MYO9B: variants seen among roughly 807,000 people sequenced by gnomAD.
MYO9B encodes the protein unconventional myosin-IXb.
In MYO9B, 71 loss-of-function variants were observed where a neutral mutation model predicts 229.5. The observed-to-expected ratio is 0.31, with a 90% CI of 0.26 to 0.38. MYO9B has a LOEUF of 0.38. Among genes scored for constraint, MYO9B ranks in the 10% least tolerant of loss-of-function variants. MYO9B has a pLI of 1.00. For synonymous variants in MYO9B, 1,185 were observed against 1,235.8 expected (o/e 0.96, Z 0.86); for missense variants, 2,255 against 2,920.5 (o/e 0.77, Z 5.25).
At chr19:17,199,301 C>T (rs536364606) in intron 24 of MYO9B, among the ~76,000 whole-genome samples, 1 of 152,226 alleles carries the variant, frequency 6.6e-6, no homozygotes, top group East Asian at 1.9e-4. Flanking sequence ...GAGGATCATG[C>T]TCGTGAGGCC....
chr19:17,087,930 C>CAAA (rs60243402), intron 1 of MYO9B, among the ~76,000 whole-genome samples: 6 of 99,586 alleles, frequency 6.0e-5, no homozygotes, highest in African/African-American at 2.3e-4. Context: ...AACTCCGTCT[C>CAAA]AAAAAAAAAA....
intron 34 of MYO9B, 147 bp from the exon 35 acceptor site, chr19:17,206,966 C>T: frequency 7.6e-7 from 1 of 1,324,344 alleles, no homozygotes; most frequent in South Asian, 1.3e-5. Flanking sequence ...TGAGGTACCT[C>T]TCTGTGCTGC....
At chr19:17,166,185 G>A (rs2072657637) in intron 10 of MYO9B, among the ~76,000 whole-genome samples, 1 of 152,124 alleles carries the variant, frequency 6.6e-6, no homozygotes, top group Admixed American at 6.6e-5. Flanking sequence ...TGGGGTCACA[G>A]GTGTGTGCCA....
chr19:17,087,017 C>T (rs2057589630), intron 1 of MYO9B, among the ~76,000 whole-genome samples: 1 of 152,172 alleles, frequency 6.6e-6, no homozygotes, highest in African/African-American at 2.4e-5. Context: ...TTGCTAATAC[C>T]TCCTTGCTTT....
At chr19:17,152,013 C>T (rs555851480) in intron 3 of MYO9B, among the ~76,000 whole-genome samples, 13 of 152,106 alleles carry the variant, frequency 8.5e-5, no homozygotes, top group African/African-American at 3.1e-4. Flanking sequence ...CATGGAGAAA[C>T]CCCGTCTCTA....
At chr19:17,135,966 G>A (rs2145194286) in intron 2 of MYO9B, among the ~76,000 whole-genome samples, 1 of 152,208 alleles carries the variant, frequency 6.6e-6, no homozygotes, top group African/African-American at 2.4e-5. Flanking sequence ...CTGACTCAGA[G>A]AGAGACCCGT....
chr19:17,117,857 G>C (rs891215477), intron 2 of MYO9B, among the ~76,000 whole-genome samples: 11 of 145,698 alleles, frequency 7.5e-5, no homozygotes, highest in Admixed American at 7.3e-4. Context: ...AGAATGGCTT[G>C]AACCCGGGAG....
chr19:17,206,781 T>G lies in MYO9B; in HGVS notation c.5489T>G (p.Val1830Gly), dbSNP rs1259310327. 6.3e-7 allele frequency: 1 copy of G among 1,580,314 alleles called. No homozygotes were observed. The highest frequency in any genetic ancestry group is 8.6e-7 in the Non-Finnish European group (1 of 1,163,034). The change falls in exon 34 of 40, where the codon GTC becomes GGC. Residue 1830 changes from valine (V) to glycine (G), a missense_variant. Physicochemically the swap from Val to Gly is moderately radical, Grantham distance 109. Coordinates refer to ENST00000682292, the MANE Select transcript of MYO9B (RefSeq NM_004145.4). ...CTGGAGAGACTCATCTTCCACCTTG[T>G]CAAGCAAGTGCCTCCCCACCTGCCC... ...NSLERLIFHL[V>G]KVALLEDVNR...
intron 2 of MYO9B, among the ~76,000 whole-genome samples, chr19:17,118,455 A>T (rs755406887): frequency 1.3e-4 from 20 of 151,918 alleles, no homozygotes; most frequent in Non-Finnish European, 2.5e-4. Flanking sequence ...AAAATTTTTT[A>T]AAATGAATTT....
At chr19:17,209,484 G>T (rs566286634) in intron 35 of MYO9B, 102 bp from the exon 36 acceptor site, 3 of 1,315,732 alleles carry the variant, frequency 2.3e-6, no homozygotes, top group Non-Finnish European at 3.1e-6. Context: ...TGGTCTCTGA[G>T]CCTCAACCAC....
chr19:17,198,687 A>T (rs1269273181), intron 24 of MYO9B, among the ~76,000 whole-genome samples: 3 of 147,312 alleles, frequency 2.0e-5, no homozygotes. Flanking sequence ...GTGAGCTGAG[A>T]TCATGCCACT....
chr19:17,087,536 G>A (rs1568653128), intron 1 of MYO9B, among the ~76,000 whole-genome samples: 1 of 152,206 alleles, frequency 6.6e-6, no homozygotes, highest in Non-Finnish European at 1.5e-5. Flanking sequence ...TGGCCTGAGT[G>A]TTCCACTCAA....
At chr19:17,114,640 T>C (rs919498357) in intron 2 of MYO9B, among the ~76,000 whole-genome samples, 2 of 152,184 alleles carry the variant, frequency 1.3e-5, no homozygotes, top group Non-Finnish European at 2.9e-5. Flanking sequence ...TGGGGTTTTT[T>C]GCAAAGGAAT....
intron 3 of MYO9B, among the ~76,000 whole-genome samples, chr19:17,151,537 G>A (rs1417288100): frequency 6.6e-6 from 1 of 152,154 alleles, no homozygotes; most frequent in Non-Finnish European, 1.5e-5. Flanking sequence ...AGACGTCAAT[G>A]TATACTTCAT....
chr19:17,105,583 G>A lies in MYO9B; in HGVS notation c.840+3026G>A, dbSNP rs536455173. ...CTGAATTGTAGCTCATTATATGAAT[G>A]TGTCAGTTTCTTCACACGTAGGATC... On this transcript the variant is annotated intron_variant, in intron 2 of 39. Coordinates refer to ENST00000682292, the MANE Select transcript of MYO9B (RefSeq NM_004145.4). Among the ~76,000 whole-genome samples the A allele has an allele frequency of 2.4e-4, 37 of 152,248 alleles. No homozygotes were observed. In the Middle Eastern group the frequency reaches 0.017, roughly 70 times the overall value.
chr19:17,084,096 G>A (rs913452565), intron 1 of MYO9B, among the ~76,000 whole-genome samples: 2 of 152,086 alleles, frequency 1.3e-5, no homozygotes, highest in Admixed American at 6.6e-5. Context: ...AGCACTTTGG[G>A]AGGCGGAGGT....
At chr19:17,176,238 G>A (rs1444209623) in intron 14 of MYO9B, among the ~76,000 whole-genome samples, 9 of 151,908 alleles carry the variant, frequency 5.9e-5, no homozygotes, top group South Asian at 4.2e-4. Flanking sequence ...GGGTTTCACC[G>A]TGTTGGCCAG....
At chr19:17,159,112 TGAACCCAG>T (rs1290765322) in intron 7 of MYO9B, among the ~76,000 whole-genome samples, 1 of 152,098 alleles carries the variant, frequency 6.6e-6, no homozygotes, top group Non-Finnish European at 1.5e-5. Flanking sequence ...GAGAATTGCT[TGAACCCAG>T]GAGGCAGAGG....
intron 20 of MYO9B, among the ~76,000 whole-genome samples, chr19:17,191,421 G>A (rs1206059810): frequency 6.6e-6 from 1 of 152,142 alleles, no homozygotes; most frequent in East Asian, 1.9e-4. Flanking sequence ...CTTCAGCAGG[G>A]CTCAGCGACT....
Sources: gnomAD v4.1 joint callset for allele counts (sites outside exome capture counted in the v4.1 genomes callset) on GRCh38, gnomAD v4.1.1 for gene constraint, MANE v1.5 for transcripts, NCBI Gene and HGNC (gene_info 2026-07-23, HGNC 2026-07-21) for gene names.